CYB561D1: variants seen among roughly 807,000 people sequenced by gnomAD.
The protein encoded by CYB561D1 is cytochrome b561 family member D1, also known as probable transmembrane reductase CYB561D1.
In CYB561D1, 15 loss-of-function variants were observed where a neutral mutation model predicts 19.2. The observed-to-expected ratio is 0.78, with a 90% CI of 0.52 to 1.20. The LOEUF (loss-of-function observed/expected upper bound fraction) is 1.20. Among genes scored for constraint, CYB561D1 ranks in the 50% most tolerant of loss-of-function variants. The pLI, the probability that CYB561D1 is intolerant of heterozygous loss-of-function variation, is 0.00. For missense variants in CYB561D1, 297 were observed against 287.3 expected (o/e 1.03, Z -0.24); for synonymous variants, 133 against 120.6 (o/e 1.10, Z -0.68).
chr1:109,494,859 AC>A lies in CYB561D1; in HGVS notation c.149-282del, dbSNP rs113621127. On this transcript the variant is annotated intron_variant, in intron 1 of 2. Transcript: ENST00000420578. ...ATCAAAAAAAAAACAAAAAACAACA[AC>A]CAAAAAAAACAAAAAACAAAAAAGG... Among the ~76,000 whole-genome samples the A allele has an allele frequency of 8.5e-5, 11 of 129,160 alleles. No individual in the cohort carries two copies. In the South Asian group the frequency reaches 1.6e-3, roughly 19 times the overall value. The allele number at this position is 129,160 out of a possible 152,430, so 84.7% of individuals were successfully genotyped here.
intron 1 of CYB561D1, 194 bp downstream of exon 1, chr1:109,494,481 G>T (rs1345723255): frequency 6.5e-7 from 1 of 1,546,772 alleles, no homozygotes; most frequent in Admixed American, 2.0e-5. Flanking sequence ...TGCTGTGGGG[G>T]AAGGGCAGAC....
At position 109,496,231 on chromosome 1, in the gene CYB561D1, A is replaced by C. The variant is rs752673149; in HGVS notation, c.662A>C (p.Tyr221Ser). The C allele has an allele frequency of 6.3e-7, 1 of 1,576,412 alleles. No homozygotes were observed. Among genetic ancestry groups the C allele is most frequent in the Non-Finnish European group, 8.7e-7 (1 of 1,154,592 alleles). ...LVIMHQISRS[Y>S]LPRKKMEM is the part of the protein sequence containing the mutation. ...ATCATGCACCAGATTTCCAGATCCT[A>C]CTTGCCGAGGAAGAAAATGGAAATG... The change falls in exon 3 of 3, where the codon TAC becomes TCC. Residue 221 changes from tyrosine (Y) to serine (S), a missense_variant. Physicochemically the swap from Tyr to Ser is moderately radical, Grantham distance 144. Coordinates refer to ENST00000420578, the MANE Select transcript of CYB561D1 (RefSeq NM_182580.3).
In CYB561D1 at chr1:109,495,875, CTG is replaced by C. The variant is rs1290666409; in HGVS notation, c.309_310del (p.Ala104SerfsTer15). 10 of 1,613,862 alleles carry C rather than the reference CTG, an allele frequency of 6.2e-6. No individual in the cohort carries two copies. In the African/African-American group the frequency reaches 1.2e-4, roughly 19 times the overall value. On this transcript the variant is annotated frameshift_variant, in exon 3 of 3. Coordinates refer to ENST00000420578, the MANE Select transcript of CYB561D1 (RefSeq NM_182580.3). LOFTEE classifies it high-confidence loss of function. ...GGGCAGGGCAGACCCTAGCCATCCT[CTG>C]TGCAGCTCTGGGCCTGGGCTTCATC... Reference protein sequence around the residue: ...HWAGQTLAILCAALGLGFIIS... With the variant: ...HWAGQTLAILXAALGLGFIIS...
Position 109,499,779 on chromosome 1 carries a change from T to G in CYB561D1, c.*3520T>G, listed in dbSNP as rs534872110. On this transcript the variant is annotated 3_prime_UTR_variant, in exon 3 of 3. Coordinates refer to ENST00000420578, the MANE Select transcript of CYB561D1 (RefSeq NM_182580.3). ...CTGAATGGTGCTGGGGCCTTTCAGCTTCAGATCTCTAAGCACTTGCAGGCT... is the reference window on the plus strand; with the variant it reads ...CTGAATGGTGCTGGGGCCTTTCAGCGTCAGATCTCTAAGCACTTGCAGGCT... The G allele has an allele frequency of 6.6e-6, 1 of 152,426 alleles. No homozygotes were observed. The highest frequency in any genetic ancestry group is 1.9e-4 in the East Asian group (1 of 5,188). 9.4% of individuals were successfully genotyped at this position (152,426 alleles called of 1,614,324 possible). A position where few individuals can be genotyped will look rare whatever the true frequency, so the allele number is the denominator to read the frequency against.
At position 109,494,301 on chromosome 1, in the gene CYB561D1, G is replaced by C; in HGVS notation, c.148+14G>C. The C allele has an allele frequency of 3.8e-6, 6 of 1,570,468 alleles. No individual in the cohort carries two copies. Among genetic ancestry groups the C allele is most frequent in the Non-Finnish European group, 5.2e-6 (6 of 1,156,190 alleles). ...GGCCAGGAACCAGTGAGTGTGCGGG[G>C]CGGGGTTGCGGAAGGGGGCGGAGTG... On this transcript the variant is annotated intron_variant, in intron 1 of 2. Transcript: ENST00000420578.
In CYB561D1 at chr1:109,494,116, T is replaced by G; in HGVS notation, c.-24T>G. 3 of 1,447,658 alleles carry G rather than the reference T, an allele frequency of 2.1e-6. No individual in the cohort carries two copies. Among genetic ancestry groups the G allele is most frequent in the East Asian group, 2.7e-5 (1 of 37,406 alleles). 89.7% of individuals were successfully genotyped at this position (1,447,658 alleles called of 1,614,324 possible). A position where few individuals can be genotyped will look rare whatever the true frequency, so the allele number is the denominator to read the frequency against. On this transcript the variant is annotated 5_prime_UTR_variant, in exon 1 of 3. Transcript: ENST00000420578. ...GGAAGACGTGTTCGGGCAGCTGGAG[T>G]GTACGGGCCCGCGGGCCACGGCCAT...
rs1339026103 is a variant in CYB561D1, at chr1:109,498,440, C to T, written c.*2181C>T. ...CAGAGAGGAGGGCACTGGTGGTCTCCTGCTTAGCCTGGTCTGACTGCAGTG... is the reference window on the plus strand; with the variant it reads ...CAGAGAGGAGGGCACTGGTGGTCTCTTGCTTAGCCTGGTCTGACTGCAGTG... On this transcript the variant is annotated 3_prime_UTR_variant, in exon 3 of 3. Coordinates refer to ENST00000420578, the MANE Select transcript of CYB561D1 (RefSeq NM_182580.3). 1.3e-5 allele frequency: 2 copies of T among 152,308 alleles called. No homozygotes were observed. The highest frequency in any genetic ancestry group is 2.4e-5 in the African/African-American group (1 of 41,424). The allele number at this position is 152,308 out of a possible 1,614,324, so 9.4% of individuals were successfully genotyped here. A position where few individuals can be genotyped will look rare whatever the true frequency, so the allele number is the denominator to read the frequency against.
In CYB561D1 at chr1:109,496,213, A is replaced by G; in HGVS notation, c.644A>G (p.His215Arg). 1 of 1,580,900 alleles carries G rather than the reference A, an allele frequency of 6.3e-7. No individual in the cohort carries two copies. The highest frequency in any genetic ancestry group is 8.6e-7 in the Non-Finnish European group (1 of 1,157,238). The change falls in exon 3 of 3, where the codon CAC becomes CGC. Residue 215 changes from histidine to arginine, a missense_variant. Physicochemically the swap from His to Arg is conservative, Grantham distance 29 (BLOSUM62 0). Transcript: ENST00000420578. ...LPVYPALVIM[H>R]QISRSYLPRK... ...GTCTATCCAGCCCTGGTGATCATGC[A>G]CCAGATTTCCAGATCCTACTTGCCG...
At chr1:109,495,433 G>T (rs529856222) in intron 2 of CYB561D1, among the ~76,000 whole-genome samples, 122 of 152,324 alleles carry the variant, frequency 8.0e-4, no homozygotes, top group African/African-American at 2.8e-3. Flanking sequence ...GAAAGGAGAA[G>T]GGGGGAGAGG....
Position 109,496,187 on chromosome 1 carries a change from C to CG in CYB561D1, c.619dup (p.Val207GlyfsTer30), listed in dbSNP as rs1557880535. 1 of 1,609,470 alleles carries CG rather than the reference C, an allele frequency of 6.2e-7. No individual in the cohort carries two copies. Among genetic ancestry groups the CG allele is most frequent in the Non-Finnish European group, 8.5e-7 (1 of 1,176,178 alleles). ...CCTGGTACCTGTGCCTGGCACTGCC[C>CG]GTCTATCCAGCCCTGGTGATCATGC... On this transcript the variant is annotated frameshift_variant, in exon 3 of 3. Transcript: ENST00000420578. LOFTEE classifies it high-confidence loss of function.
chr1:109,494,540 G>T (rs995939657), intron 1 of CYB561D1: 1 of 1,493,754 alleles, frequency 6.7e-7, no homozygotes, highest in Non-Finnish European at 9.0e-7. Flanking sequence ...CCTGATGGAG[G>T]ATAGAAGTGA....
In CYB561D1 at chr1:109,499,964, A is replaced by G. The variant is rs571771607; in HGVS notation, c.*3705A>G. 1.3e-5 allele frequency: 2 copies of G among 152,356 alleles called. No individual in the cohort carries two copies. Among genetic ancestry groups the G allele is most frequent in the Admixed American group, 1.3e-4 (2 of 15,306 alleles). The allele number at this position is 152,356 out of a possible 1,614,324, so 9.4% of individuals were successfully genotyped here. ...ACTGAGTCCTCTCAGTAAACTAATA[A>G]GACTTGCACCTGACAAAGGTCAAGA... On this transcript the variant is annotated 3_prime_UTR_variant, in exon 3 of 3. Coordinates refer to ENST00000420578, the MANE Select transcript of CYB561D1 (RefSeq NM_182580.3).
chr1:109,498,457 A>T lies in CYB561D1; in HGVS notation c.*2198A>T, dbSNP rs888795048. 6.6e-6 allele frequency: 1 copy of T among 152,238 alleles called. No homozygotes were observed. Among genetic ancestry groups the T allele is most frequent in the Non-Finnish European group, 1.5e-5 (1 of 68,082 alleles). 9.4% of individuals were successfully genotyped at this position (152,238 alleles called of 1,614,324 possible). A position where few individuals can be genotyped will look rare whatever the true frequency, so the allele number is the denominator to read the frequency against. On this transcript the variant is annotated 3_prime_UTR_variant, in exon 3 of 3. Coordinates refer to ENST00000420578, the MANE Select transcript of CYB561D1 (RefSeq NM_182580.3). ...GTGGTCTCCTGCTTAGCCTGGTCTGACTGCAGTGTAGGGAATAGGTCACCA... is the reference window on the plus strand; with the variant it reads ...GTGGTCTCCTGCTTAGCCTGGTCTGTCTGCAGTGTAGGGAATAGGTCACCA...
Position 109,495,131 on chromosome 1 carries a change from T to A in CYB561D1, c.149-12T>A, listed in dbSNP as rs367604086. ...GGTACCAAGCCCTCAGCCTGTTCTC[T>A]TTGATTCTTAGGTCTTTTCTCCTGG... On this transcript the variant is annotated splice_polypyrimidine_tract_variant and intron_variant, in intron 1 of 2. Coordinates refer to ENST00000420578, the MANE Select transcript of CYB561D1 (RefSeq NM_182580.3). 6.2e-7 allele frequency: 1 copy of A among 1,614,090 alleles called. No homozygotes were observed. The highest frequency in any genetic ancestry group is 1.3e-5 in the African/African-American group (1 of 74,926).
rs181478522 is a variant in CYB561D1, at chr1:109,500,249, G to A, written c.*3990G>A. 1 of 152,344 alleles carries A rather than the reference G, an allele frequency of 6.6e-6. No homozygotes were observed. Among genetic ancestry groups the A allele is most frequent in the African/African-American group, 2.4e-5 (1 of 41,570 alleles). The allele number at this position is 152,344 out of a possible 1,614,324, so 9.4% of individuals were successfully genotyped here. On this transcript the variant is annotated 3_prime_UTR_variant, in exon 3 of 3. Transcript: ENST00000420578. ...GATCCTGTGTAACATGAAATGAAAG[G>A]TGCATCAGCTTGGGGGCTGGGAAAC... is the stretch of plus-strand genomic sequence containing the variant.
chr1:109,494,995 T>G, intron 1 of CYB561D1, 148 bp from the exon 2 acceptor site: 1 of 946,238 alleles, frequency 1.1e-6, no homozygotes, highest in Non-Finnish European at 1.7e-6. Context: ...TGGGGCTCCT[T>G]GGCTGCTCCA....
intron 2 of CYB561D1, 90 bp downstream of exon 2, chr1:109,495,270 T>A: frequency 4.8e-6 from 7 of 1,451,228 alleles, no homozygotes; most frequent in Non-Finnish European, 6.8e-6. Flanking sequence ...TCAGCCTTTC[T>A]AAGGCTAAGA....
Position 109,499,288 on chromosome 1 carries a change from C to T in CYB561D1, c.*3029C>T, listed in dbSNP as rs1657763136. The T allele has an allele frequency of 6.6e-6, 1 of 152,502 alleles. No individual in the cohort carries two copies. Among genetic ancestry groups the T allele is most frequent in the African/African-American group, 2.4e-5 (1 of 41,430 alleles). The allele number at this position is 152,502 out of a possible 1,614,324, so 9.4% of individuals were successfully genotyped here. ...TTTCACAAGGCAGGCTGCCCTTCCG[C>T]ACTCACTGGCCCATCCCTTCTTTCT... On this transcript the variant is annotated 3_prime_UTR_variant, in exon 3 of 3. Coordinates refer to ENST00000420578, the MANE Select transcript of CYB561D1 (RefSeq NM_182580.3).
intron 2 of CYB561D1, 72 bp from the exon 3 acceptor site, chr1:109,495,684 A>G (rs1557879405): frequency 1.2e-6 from 2 of 1,613,146 alleles, no homozygotes; most frequent in Non-Finnish European, 1.7e-6. Flanking sequence ...GTTAGGATGT[A>G]TGAGAGCACC....
Sources: gnomAD v4.1 joint callset for allele counts (sites outside exome capture counted in the v4.1 genomes callset) on GRCh38, gnomAD v4.1.1 for gene constraint, MANE v1.5 for transcripts, NCBI Gene and HGNC (gene_info 2026-07-23, HGNC 2026-07-21) for gene names.